Variants in PDE4D observed in about 807,000 individuals in gnomAD.
The protein encoded by PDE4D is 3',5'-cyclic-AMP phosphodiesterase 4D.
Under a neutral mutation model 87.4 loss-of-function variants are expected in PDE4D, and 24 were observed. The ratio of observed to expected loss-of-function variants is 0.27; its 90% CI spans 0.20 to 0.39. PDE4D has a LOEUF of 0.39. Among genes scored for constraint, PDE4D ranks in the 10% least tolerant of loss-of-function variants. The pLI, the probability that PDE4D is intolerant of heterozygous loss-of-function variation, is 1.00. For missense variants in PDE4D, 714 were observed against 1,041.0 expected (o/e 0.69, Z 4.32); for synonymous variants, 384 against 383.2 (o/e 1.00, Z -0.02).
intron 2 of PDE4D, among the ~76,000 whole-genome samples, chr5:60,077,250 G>A (rs540475280): frequency 9.9e-5 from 15 of 152,204 alleles, no homozygotes; most frequent in Non-Finnish European, 1.6e-4. Context: ...GCAGCGGTAT[G>A]GTAGGATGCA....
chr5:59,736,218 A>G (rs1377672656), intron 1 of PDE4D, among the ~76,000 whole-genome samples: 1 of 152,128 alleles, frequency 6.6e-6, no homozygotes, highest in Non-Finnish European at 1.5e-5. Context: ...AGAGAGTTCA[A>G]GCAAATGGAA....
intron 1 of PDE4D, among the ~76,000 whole-genome samples, chr5:59,710,407 G>A (rs1754042654): frequency 6.6e-6 from 1 of 151,964 alleles, no homozygotes; most frequent in Non-Finnish European, 1.5e-5. Flanking sequence ...TGTAATGTGG[G>A]GATTCATGAA....
chr5:59,851,005 G>C (rs577641221), intron 1 of PDE4D, among the ~76,000 whole-genome samples: 1 of 151,912 alleles, frequency 6.6e-6, no homozygotes, highest in Non-Finnish European at 1.5e-5. Flanking sequence ...AACAGAATAG[G>C]GCAGAAGCAA....
intron 6 of PDE4D, among the ~76,000 whole-genome samples, chr5:59,012,633 G>A (rs1753062492): frequency 6.6e-6 from 1 of 152,134 alleles, no homozygotes; most frequent in African/African-American, 2.4e-5. Context: ...CCCAATACAG[G>A]AGCACCCAGA....
intron 6 of PDE4D, among the ~76,000 whole-genome samples, chr5:59,037,853 C>T (rs1326367104): frequency 6.6e-6 from 1 of 151,538 alleles, no homozygotes; most frequent in East Asian, 1.9e-4. Context: ...AAAAGCATCA[C>T]TCATTTAAAG....
At chr5:59,756,539 G>A (rs6878105) in intron 1 of PDE4D, among the ~76,000 whole-genome samples, 2 of 63,758 alleles carry the variant, frequency 3.1e-5, no homozygotes, top group Non-Finnish European at 7.2e-5. Flanking sequence ...CACACACAGA[G>A]ACACACACTG....
chr5:59,882,337 G>A (rs940534069), intron 1 of PDE4D, among the ~76,000 whole-genome samples: 1 of 152,122 alleles, frequency 6.6e-6, no homozygotes, highest in Non-Finnish European at 1.5e-5. Context: ...GAAAACCCAG[G>A]TGGTGGGAAT....
At chr5:60,483,865 A>T (rs1481780872) in intron 1 of PDE4D, among the ~76,000 whole-genome samples, 1 of 152,206 alleles carries the variant, frequency 6.6e-6, no homozygotes, top group African/African-American at 2.4e-5. Context: ...AAAAGGGTTC[A>T]ACAGGTGAAA....
chr5:60,333,156 C>G (rs780677268), intron 1 of PDE4D, among the ~76,000 whole-genome samples: 21 of 152,218 alleles, frequency 1.4e-4, no homozygotes, highest in Non-Finnish European at 2.2e-4. Flanking sequence ...ATTCATTCAT[C>G]TCTTCTCCTA....
At chr5:60,309,434 A>C (rs1055109128) in intron 1 of PDE4D, among the ~76,000 whole-genome samples, 1 of 152,212 alleles carries the variant, frequency 6.6e-6, no homozygotes, top group Non-Finnish European at 1.5e-5. Flanking sequence ...TGAAACTTTG[A>C]CATTAAAAAC....
At chr5:59,284,658 T>C (rs1766532231) in intron 1 of PDE4D, among the ~76,000 whole-genome samples, 1 of 128,842 alleles carries the variant, frequency 7.8e-6, no homozygotes, top group Non-Finnish European at 1.6e-5. Flanking sequence ...GTGTGGCGAT[T>C]CCTCAGGGAT....
intron 5 of PDE4D, among the ~76,000 whole-genome samples, chr5:59,117,807 CTTT>C (rs201039884): frequency 3.5e-5 from 5 of 142,010 alleles, no homozygotes; most frequent in Admixed American, 7.1e-5. Context: ...AGGTTTTTAA[CTTT>C]TTTTTTTTTT....
intron 1 of PDE4D, among the ~76,000 whole-genome samples, chr5:59,333,318 A>C (rs560906960): frequency 2.0e-5 from 3 of 152,196 alleles, no homozygotes; most frequent in African/African-American, 7.2e-5. Context: ...AGGGATTGTT[A>C]TTAACTATTT....
chr5:60,429,580 C>A (rs148545087), intron 1 of PDE4D, among the ~76,000 whole-genome samples: 1 of 152,258 alleles, frequency 6.6e-6, no homozygotes, highest in East Asian at 1.9e-4. Flanking sequence ...TTTGCCCATT[C>A]AGTGTGATGT....
chr5:59,346,194 T>C (rs1779577250), intron 1 of PDE4D, among the ~76,000 whole-genome samples: 1 of 152,142 alleles, frequency 6.6e-6, no homozygotes, highest in African/African-American at 2.4e-5. Flanking sequence ...TTCGGGTGCA[T>C]AGTGACTGGA....
intron 5 of PDE4D, among the ~76,000 whole-genome samples, chr5:59,100,470 A>G (rs967481520): frequency 1.3e-5 from 2 of 152,152 alleles, no homozygotes; most frequent in Non-Finnish European, 2.9e-5. Context: ...TGCTATATAT[A>G]TCCAGTATTT....
At position 60,517,037 on chromosome 5, in the gene PDE4D, C is replaced by T. The variant is rs1199733093; in HGVS notation, n.70+5014G>A. ...GGAAACCCCCCTACCCCCACAGGCT[C>T]AGAAATGCCTGCTCCCACTGCCCAG... On this transcript the variant is annotated intron_variant and non_coding_transcript_variant, in intron 1 of 2. Coordinates refer to the PDE4D transcript ENST00000506510. 4.6e-5 allele frequency among the ~76,000 whole-genome samples: 7 copies of T among 152,216 alleles called. No individual in the cohort carries two copies. In the East Asian group the frequency reaches 1.3e-3, roughly 29 times the overall value.
At chr5:59,098,697 CAAAAA>C (rs3061415) in intron 5 of PDE4D, among the ~76,000 whole-genome samples, 2 of 66,994 alleles carry the variant, frequency 3.0e-5, no homozygotes, top group East Asian at 4.5e-4. Context: ...GAGAAAGACT[CAAAAA>C]AAAAAAAAAA....
At chr5:60,353,301 C>T (rs1344136903) in intron 1 of PDE4D, among the ~76,000 whole-genome samples, 1 of 152,170 alleles carries the variant, frequency 6.6e-6, no homozygotes, top group Non-Finnish European at 1.5e-5. Context: ...GCTGCTGACC[C>T]CACTGCTACT....
Sources: gnomAD v4.1 joint callset for allele counts (sites outside exome capture counted in the v4.1 genomes callset) on GRCh38, gnomAD v4.1.1 for gene constraint, MANE v1.5 for transcripts, NCBI Gene and HGNC (gene_info 2026-07-23, HGNC 2026-07-21) for gene names.